Variants in KCNK10 observed in about 807,000 individuals in gnomAD.
The protein encoded by KCNK10 is potassium channel subfamily K member 10.
In KCNK10, 25 loss-of-function variants were observed where a neutral mutation model predicts 47.7. The observed-to-expected ratio is 0.52, with a 90% confidence interval of 0.38 to 0.73. The LOEUF is 0.73. KCNK10 is among the 30% of genes least tolerant of loss of function. KCNK10 has a pLI of 0.00. For missense variants in KCNK10, 563 were observed against 714.5 expected, an observed-to-expected ratio of 0.79 and a Z score of 2.42; for synonymous variants, 303 against 285.6, an observed-to-expected ratio of 1.06 and a Z score of -0.61.
intron 4 of KCNK10, among the ~76,000 whole-genome samples, chr14:88,194,986 T>C (rs114321648): frequency 2.5e-3 from 383 of 151,994 alleles, no homozygotes; most frequent in African/African-American, 8.9e-3. Context: ...GCAATATCTG[T>C]TATTCTAGAT....
intron 1 of KCNK10, among the ~76,000 whole-genome samples, chr14:88,266,120 C>T (rs1274595827): frequency 6.6e-6 from 1 of 152,180 alleles, no homozygotes; most frequent in Admixed American, 6.5e-5. Flanking sequence ...CACCTCTGCA[C>T]CCCTAGTGTT....
At chr14:88,197,172 T>G (rs1884940867) in intron 4 of KCNK10, among the ~76,000 whole-genome samples, 1 of 152,240 alleles carries the variant, frequency 6.6e-6, no homozygotes, top group South Asian at 2.1e-4. Context: ...GCCAGTTCAG[T>G]ACTTTGCTGG....
intron 3 of KCNK10, among the ~76,000 whole-genome samples, chr14:88,228,998 A>G (rs7140315): frequency 0.29 from 43,903 of 152,084 alleles, 6,999 homozygotes; most frequent in East Asian, 0.47. Context: ...CTATTGAAAA[A>G]GAAATAAATG....
intron 1 of KCNK10, among the ~76,000 whole-genome samples, chr14:88,303,456 T>C (rs1362661797): frequency 6.6e-6 from 1 of 151,998 alleles, no homozygotes; most frequent in Non-Finnish European, 1.5e-5. Context: ...TGATGGTGAC[T>C]TCAGACCACC....
At chr14:88,287,750 G>C (rs1378808289) in intron 1 of KCNK10, among the ~76,000 whole-genome samples, 1 of 150,810 alleles carries the variant, frequency 6.6e-6, no homozygotes, top group Non-Finnish European at 1.5e-5. Context: ...TCCACTCATT[G>C]ATTGATGGGC....
At chr14:88,197,895 A>AGAGAGAGAGAGAGAG (rs1884974261) in intron 4 of KCNK10, among the ~76,000 whole-genome samples, 89 of 134,044 alleles carry the variant, frequency 6.6e-4, no homozygotes, top group African/African-American at 2.5e-3. Context: ...AGAGAGAGAG[A>AGAGAGAGAGAGAGAG]AGGGGAAAAA....
At chr14:88,284,147 T>C (rs1156329787) in intron 1 of KCNK10, among the ~76,000 whole-genome samples, 1 of 152,044 alleles carries the variant, frequency 6.6e-6, no homozygotes, top group Non-Finnish European at 1.5e-5. Flanking sequence ...CCAAGACTTT[T>C]TTAGGACCCA....
In KCNK10 at chr14:88,258,290, C is replaced by CTTT. The variant is rs1255773967; in HGVS notation, c.402+4909_402+4911dup. On this transcript the variant is annotated intron_variant, in intron 2 of 6. Coordinates refer to ENST00000319231, the MANE Select transcript of KCNK10 (RefSeq NM_138317.3). ...GGTGAGTAACTTGCTTATGGTGAGT[C>CTTT]TTTTTTTTTTTTTTTTTCGAGATGG... Among the ~76,000 whole-genome samples, 17 of 136,258 alleles carry CTTT rather than the reference C, an allele frequency of 1.2e-4. 3 individuals are homozygous for CTTT. The highest frequency in any genetic ancestry group is 9.6e-5 in the Non-Finnish European group (6 of 62,806). 89.4% of individuals were successfully genotyped at this position (136,258 alleles called of 152,430 possible).
chr14:88,227,555 A>G lies in KCNK10; in HGVS notation c.521-20T>C. On this transcript the variant is annotated intron_variant, in intron 3 of 6. Coordinates refer to ENST00000319231, the MANE Select transcript of KCNK10 (RefSeq NM_138317.3). ...CATACCCTGGTGAGAAATATGAAAA[A>G]GAGGGAGAGTGGCAGAGAAATTAGC... The G allele has an allele frequency of 1.3e-6, 2 of 1,571,816 alleles. No homozygotes were observed. The highest frequency in any genetic ancestry group is 1.7e-6 in the Non-Finnish European group (2 of 1,164,490).
Position 88,263,284 on chromosome 14 carries a change from T to C in KCNK10, c.320A>G (p.Lys107Arg), listed in dbSNP as rs868232942. 1.9e-6 allele frequency: 3 copies of C among 1,614,192 alleles called. No homozygotes were observed. Among genetic ancestry groups the C allele is most frequent in the Middle Eastern group, 3.3e-4 (2 of 6,062 alleles). Residue 107 changes from lysine (K) to arginine (R), a missense_variant, in exon 2 of 7, where the codon AAG (lysine) becomes AGG (arginine). Physicochemically the swap from Lys to Arg is conservative, Grantham distance 26. Coordinates refer to ENST00000319231, the MANE Select transcript of KCNK10 (RefSeq NM_138317.3). Reference protein sequence around the residue: ...ALEQPFESSQKNTIALEKAEF... With the variant: ...ALEQPFESSQRNTIALEKAEF... ...CGCCTTCTCCAAGGCGATGGTATTCTTCTGGCTGCTCTCAAAGGGCTGCTC... is the reference window on the plus strand; with the variant it reads ...CGCCTTCTCCAAGGCGATGGTATTCCTCTGGCTGCTCTCAAAGGGCTGCTC...
chr14:88,308,282 G>T (rs758234208), intron 1 of KCNK10, among the ~76,000 whole-genome samples: 1 of 152,062 alleles, frequency 6.6e-6, no homozygotes, highest in East Asian at 1.9e-4. Flanking sequence ...ATGGAAGTGC[G>T]GCCTCAAACT....
chr14:88,207,915 G>A (rs1171483592), intron 4 of KCNK10, among the ~76,000 whole-genome samples: 1 of 152,178 alleles, frequency 6.6e-6, no homozygotes. Flanking sequence ...CATTTGAGCT[G>A]AGACCAGGAG....
chr14:88,306,303 C>A (rs539320422), intron 1 of KCNK10, among the ~76,000 whole-genome samples: 1 of 152,276 alleles, frequency 6.6e-6, no homozygotes, highest in South Asian at 2.1e-4. Flanking sequence ...CCAATTTCCA[C>A]TAGTTTTAAG....
chr14:88,199,919 T>C (rs1885045330), intron 4 of KCNK10, among the ~76,000 whole-genome samples: 1 of 152,244 alleles, frequency 6.6e-6, no homozygotes, highest in African/African-American at 2.4e-5. Context: ...TGGGTATTGC[T>C]GGATAAGCAG....
chr14:88,188,868 T>C (rs536985360), intron 5 of KCNK10, among the ~76,000 whole-genome samples: 1 of 152,340 alleles, frequency 6.6e-6, no homozygotes, highest in East Asian at 1.9e-4. Context: ...TTCTGAATAA[T>C]TAGCCTATTT....
intron 1 of KCNK10, among the ~76,000 whole-genome samples, chr14:88,317,005 C>T (rs1032529474): frequency 2.6e-5 from 4 of 152,158 alleles, no homozygotes; most frequent in Non-Finnish European, 4.4e-5. Context: ...GCAAAGTCAA[C>T]CTGCTCAGTC....
At chr14:88,258,287 A>T (rs7494136) in intron 2 of KCNK10, among the ~76,000 whole-genome samples, 93,014 of 148,214 alleles carry the variant, frequency 0.63, 29,709 homozygotes, top group East Asian at 0.76. Context: ...GCTTATGGTG[A>T]GTCTTTTTTT....
intron 1 of KCNK10, among the ~76,000 whole-genome samples, chr14:88,294,998 A>T (rs1028452723): frequency 6.6e-6 from 1 of 152,210 alleles, no homozygotes; most frequent in Non-Finnish European, 1.5e-5. Context: ...TTATACTGGA[A>T]ACTCTAAAAG....
intron 4 of KCNK10, among the ~76,000 whole-genome samples, chr14:88,193,652 C>T (rs1377836954): frequency 6.6e-6 from 1 of 152,170 alleles, no homozygotes; most frequent in African/African-American, 2.4e-5. Flanking sequence ...CTTCATCGCA[C>T]CAAGCACAGA....
Sources: allele counts gnomAD v4.1 joint callset (sites outside exome capture counted in the v4.1 genomes callset), GRCh38; gene constraint gnomAD v4.1.1; transcripts MANE v1.5; gene names NCBI Gene and HGNC (gene_info 2026-07-23, HGNC 2026-07-21).